ZNF134: variants seen among roughly 807,000 people sequenced by gnomAD.
ZNF134 encodes zinc finger protein 134 (clone pHZ-15).
In ZNF134, 5 loss-of-function variants were observed where a neutral mutation model predicts 2.5. That is an observed-to-expected ratio of 2.03 (90% CI 1.06 to 4.27). ZNF134 has a LOEUF of 4.27. Ranked by LOEUF, ZNF134 falls within the 30% of genes most tolerant of loss-of-function variation. The pLI is 0.00. For missense variants in ZNF134, 540 were observed against 517.5 expected, an observed-to-expected ratio of 1.04 and a Z score of -0.42; for synonymous variants, 176 against 176.2, an observed-to-expected ratio of 1.00 and a Z score of 0.01.
chr19:57,616,478 A>C (rs1410767162), intron 1 of ZNF134, among the ~76,000 whole-genome samples: 2 of 152,246 alleles, frequency 1.3e-5, no homozygotes, highest in African/African-American at 4.8e-5. Flanking sequence ...GCTGTTTCAA[A>C]GGCACTTGAG....
At position 57,620,292 on chromosome 19, in the gene ZNF134, T is replaced by C. The variant is rs567531904; in HGVS notation, c.173T>C (p.Ile58Thr). ...TALPCDICGP[I>T]LKDILHLDEH... is the part of the protein sequence containing the mutation. The stretch of plus-strand genomic sequence containing the variant: ...CTCCCTTGTGACATATGTGGCCCCA[T>C]CTTGAAAGATATTTTGCACCTGGAT... Residue 58 changes from isoleucine (I) to threonine (T), a missense_variant, in exon 3 of 3, where the codon ATC becomes ACC. Physicochemically the swap from Ile to Thr is moderately conservative, Grantham distance 89. Transcript: ENST00000396161. 9.9e-6 allele frequency: 16 copies of C among 1,614,202 alleles called. 1 individual carries two copies. The South Asian group carries it at 1.2e-4, about 12-fold the overall frequency.
Position 57,624,267 on chromosome 19 carries a change from T to A in ZNF134, c.*2864T>A, listed in dbSNP as rs1981315649. 1 of 152,128 alleles carries A rather than the reference T, an allele frequency of 6.6e-6. No individual in the cohort carries two copies. The highest frequency in any genetic ancestry group is 6.5e-5 in the Admixed American group (1 of 15,274). 9.4% of individuals were successfully genotyped at this position (152,128 alleles called of 1,614,324 possible). On this transcript the variant is annotated 3_prime_UTR_variant, in exon 3 of 3. Transcript: ENST00000396161. Reference sequence around the variant, plus strand: ...ATCCTAGGTCTTTCCCAACCTTTTGTTTGGGAGCAGATAACTAGTTTTCTA... The same window carrying A: ...ATCCTAGGTCTTTCCCAACCTTTTGATTGGGAGCAGATAACTAGTTTTCTA...
rs1981203953 is a variant in ZNF134, at chr19:57,621,119, C to A, written c.1000C>A (p.His334Asn). Residue 334 changes from histidine to asparagine, a missense_variant, in exon 3 of 3, where the codon CAT becomes AAT. Transcript: ENST00000396161. ...TGGCCACAAATACACCCTCATTAAA[C>A]ATCAGCGAATTCACACTGAGTCAAA... ...SFGHKYTLIK[H>N]QRIHTESKPF... 4 of 1,614,118 alleles carry A rather than the reference C, an allele frequency of 2.5e-6. No homozygotes were observed. Among genetic ancestry groups the A allele is most frequent in the Non-Finnish European group, 3.4e-6 (4 of 1,180,054 alleles).
chr19:57,620,278 C>T lies in ZNF134; in HGVS notation c.159C>T (p.Asp53=). The T allele has an allele frequency of 1.9e-6, 3 of 1,614,204 alleles. No homozygotes were observed. Among genetic ancestry groups the T allele is most frequent in the Non-Finnish European group, 2.5e-6 (3 of 1,180,032 alleles). The change falls in exon 3 of 3, where the codon GAC becomes GAT. Residue 53 remains aspartate, a synonymous_variant. Transcript: ENST00000396161. ...CCGCACAGACGGCTCTCCCTTGTGA[C>T]ATATGTGGCCCCATCTTGAAAGATA... ...GLPAQTALPC[D]ICGPILKDIL...
chr19:57,619,213 G>A (rs1018734667), intron 1 of ZNF134, among the ~76,000 whole-genome samples, 199 bp from the exon 2 acceptor site: 1 of 152,118 alleles, frequency 6.6e-6, no homozygotes, highest in Non-Finnish European at 1.5e-5. Context: ...TCCTCTAATT[G>A]TAATTTCCTT....
chr19:57,618,119 C>T (rs189232113), intron 1 of ZNF134, among the ~76,000 whole-genome samples: 2 of 152,246 alleles, frequency 1.3e-5, no homozygotes, highest in East Asian at 3.9e-4. Context: ...TGTTGAGAAG[C>T]CTGTGACTGA....
In ZNF134 at chr19:57,620,512, C is replaced by G. The variant is rs1250815066; in HGVS notation, c.393C>G (p.Pro131=). The G allele has an allele frequency of 3.7e-6, 6 of 1,614,092 alleles. No homozygotes were observed. The South Asian group carries it at 4.4e-5, about 12-fold the overall frequency. The stretch of plus-strand genomic sequence containing the variant: ...AAGAACCTCATCCGTCAGAGAAGCC[C>G]TTTACGTGTAAGGAGGAGCAGAAAA... ...VSKEPHPSEK[P]FTCKEEQKNF... is the part of the protein sequence containing the mutation. Residue 131 remains proline, a synonymous_variant, in exon 3 of 3, where the codon CCC becomes CCG. Coordinates refer to ENST00000396161, the MANE Select transcript of ZNF134 (RefSeq NM_003435.5).
Position 57,620,983 on chromosome 19 carries a change from T to A in ZNF134, c.864T>A (p.Tyr288Ter), listed in dbSNP as rs1981197855. The change falls in exon 3 of 3, where the codon TAT becomes TAA. Residue 288 changes from tyrosine (Y) to a stop codon, truncating the protein, a stop_gained. Transcript: ENST00000396161. LOFTEE classifies it low-confidence loss of function (END_TRUNC). ...HQRVHNGARP[Y>*]KCSDCGKVFR... ...GAGTTCACAATGGAGCAAGGCCTTA[T>A]AAGTGCAGTGATTGTGGGAAAGTCT... 6.2e-7 allele frequency: 1 copy of A among 1,614,072 alleles called. No homozygotes were observed. Among genetic ancestry groups the A allele is most frequent in the African/African-American group, 1.3e-5 (1 of 74,918 alleles).
In ZNF134 at chr19:57,624,313, A is replaced by T. The variant is rs1416795770; in HGVS notation, c.*2910A>T. The T allele has an allele frequency of 6.6e-6, 1 of 152,172 alleles. No homozygotes were observed. The highest frequency in any genetic ancestry group is 1.5e-5 in the Non-Finnish European group (1 of 68,040). 9.4% of individuals were successfully genotyped at this position (152,172 alleles called of 1,614,324 possible). On this transcript the variant is annotated 3_prime_UTR_variant, in exon 3 of 3. Transcript: ENST00000396161. Reference sequence around the variant, plus strand: ...TTCTAGTTTTACAGATCCAAATGAGACAGGAATAGCACTGGGTGGTCACAG... The same window carrying T: ...TTCTAGTTTTACAGATCCAAATGAGTCAGGAATAGCACTGGGTGGTCACAG...
intron 1 of ZNF134, among the ~76,000 whole-genome samples, chr19:57,617,929 G>T (rs1981095416): frequency 1.3e-5 from 2 of 152,296 alleles, no homozygotes; most frequent in African/African-American, 2.4e-5. Flanking sequence ...TGGCAGTGAG[G>T]CCAGAGCCAG....
chr19:57,619,411 G>C lies in ZNF134; in HGVS notation c.-57-1G>C, dbSNP rs1323764266. ...TTTCCCCTATGCTTTGTATCTTCCA[G>C]ATCCTCTGTGGTTGTTGAATTGTAA... On this transcript the variant is annotated splice_acceptor_variant, in intron 1 of 2. Transcript: ENST00000396161. LOFTEE classifies it low-confidence loss of function (5UTR_SPLICE). 1.8e-5 allele frequency: 29 copies of C among 1,568,200 alleles called. No individual in the cohort carries two copies. In the South Asian group the frequency reaches 3.2e-4, roughly 17 times the overall value.
At position 57,623,724 on chromosome 19, in the gene ZNF134, TC is replaced by T. The variant is rs1332939179; in HGVS notation, c.*2325del. The T allele has an allele frequency of 6.6e-6, 1 of 152,154 alleles. No homozygotes were observed. The highest frequency in any genetic ancestry group is 1.9e-4 in the East Asian group (1 of 5,196). 9.4% of individuals were successfully genotyped at this position (152,154 alleles called of 1,614,324 possible). A position where few individuals can be genotyped will look rare whatever the true frequency, so the allele number is the denominator to read the frequency against. On this transcript the variant is annotated 3_prime_UTR_variant, in exon 3 of 3. Coordinates refer to ENST00000396161, the MANE Select transcript of ZNF134 (RefSeq NM_003435.5). ...GAAGAGATTAAATGTGACTTGTAGATCCCCTCAATACAAACAATTTATAAGA... is the reference window on the plus strand; with the variant it reads ...GAAGAGATTAAATGTGACTTGTAGATCCCTCAATACAAACAATTTATAAGA...
chr19:57,615,488 T>C (rs1424638723), intron 1 of ZNF134, among the ~76,000 whole-genome samples: 4 of 151,930 alleles, frequency 2.6e-5, no homozygotes, highest in Non-Finnish European at 4.4e-5. Flanking sequence ...AAGTCAATGC[T>C]TGGTGCTGCA....
Position 57,622,003 on chromosome 19 carries a change from G to A in ZNF134, c.*600G>A, listed in dbSNP as rs567212752. ...GCCAAACTGAAGACAGCCTTTGTGC[G>A]GTGCCTCCAACTTTGCCTCAAATGG... is the stretch of plus-strand genomic sequence containing the variant. On this transcript the variant is annotated 3_prime_UTR_variant, in exon 3 of 3. Transcript: ENST00000396161. The A allele has an allele frequency of 2.5e-4, 44 of 174,642 alleles. No individual in the cohort carries two copies. The highest frequency in any genetic ancestry group is 8.7e-4 in the South Asian group (7 of 8,070). The allele number at this position is 174,642 out of a possible 1,614,324, so 10.8% of individuals were successfully genotyped here.
Position 57,621,429 on chromosome 19 carries a change from A to G in ZNF134, c.*26A>G, listed in dbSNP as rs1395655273. ...GAGTGCTTTGAATACAACAGGACTC[A>G]TCAATCAGATGTTGAATTTCATGTA... On this transcript the variant is annotated 3_prime_UTR_variant, in exon 3 of 3. Coordinates refer to ENST00000396161, the MANE Select transcript of ZNF134 (RefSeq NM_003435.5). 1 of 1,609,164 alleles carries G rather than the reference A, an allele frequency of 6.2e-7. No homozygotes were observed. The highest frequency in any genetic ancestry group is 8.5e-7 in the Non-Finnish European group (1 of 1,179,944).
chr19:57,621,567 T>C lies in ZNF134; in HGVS notation c.*164T>C. 9.4e-7 allele frequency: 1 copy of C among 1,064,466 alleles called. No individual in the cohort carries two copies. The highest frequency in any genetic ancestry group is 1.4e-6 in the Non-Finnish European group (1 of 692,774). 65.9% of individuals were successfully genotyped at this position (1,064,466 alleles called of 1,614,324 possible). On this transcript the variant is annotated 3_prime_UTR_variant, in exon 3 of 3. Coordinates refer to ENST00000396161, the MANE Select transcript of ZNF134 (RefSeq NM_003435.5). ...GTTTTTTGCCAGAGTTATGTCACTG[T>C]CAATCCATGTGGCCGAAACCATCTT... is the stretch of plus-strand genomic sequence containing the variant.
At chr19:57,617,314 C>T (rs1475054727) in intron 1 of ZNF134, among the ~76,000 whole-genome samples, 1 of 152,160 alleles carries the variant, frequency 6.6e-6, no homozygotes, top group Non-Finnish European at 1.5e-5. Flanking sequence ...CTTAATGCAA[C>T]AGTTCAGGTT....
At position 57,621,120 on chromosome 19, in the gene ZNF134, A is replaced by T; in HGVS notation, c.1001A>T (p.His334Leu). The change falls in exon 3 of 3, where the codon CAT becomes CTT. Residue 334 changes from histidine to leucine, a missense_variant. By Grantham distance (99) the His-to-Leu change is moderately conservative. Transcript: ENST00000396161. Reference protein sequence around the residue: ...SFGHKYTLIKHQRIHTESKPF... With the variant: ...SFGHKYTLIKLQRIHTESKPF... ...GGCCACAAATACACCCTCATTAAAC[A>T]TCAGCGAATTCACACTGAGTCAAAG... 1.2e-6 allele frequency: 2 copies of T among 1,614,290 alleles called. No homozygotes were observed. Among genetic ancestry groups the T allele is most frequent in the African/African-American group, 1.3e-5 (1 of 75,080 alleles).
chr19:57,620,011 A>G (rs1254028918), intron 2 of ZNF134, 149 bp from the exon 3 acceptor site: 2 of 850,194 alleles, frequency 2.4e-6, no homozygotes, highest in Non-Finnish European at 3.6e-6. Context: ...CCAGTACTGT[A>G]CAGCAGCCCT....
Sources: allele counts gnomAD v4.1 joint callset (sites outside exome capture counted in the v4.1 genomes callset), GRCh38; gene constraint gnomAD v4.1.1; transcripts MANE v1.5; gene names NCBI Gene and HGNC (gene_info 2026-07-23, HGNC 2026-07-21).